The following PACS1 variants were observed in gnomAD, a reference collection of about 807,000 sequenced individuals.
PACS1 encodes the protein phosphofurin acidic cluster sorting protein 1, also known as PACS-1.
In PACS1, 24 loss-of-function variants were observed where a neutral mutation model predicts 115.0. That is an observed-to-expected ratio of 0.21 (90% CI 0.15 to 0.29). The LOEUF (loss-of-function observed/expected upper bound fraction) is 0.29, where lower values mean the gene tolerates loss of function less well. Ranked by LOEUF, PACS1 falls within the 10% of genes least tolerant of loss-of-function variation. The pLI is 1.00. For missense variants in PACS1, 838 were observed against 1,251.2 expected (o/e 0.67, Z 4.98); for synonymous variants, 453 against 504.5 (o/e 0.90, Z 1.37).
intron 7 of PACS1, among the ~76,000 whole-genome samples, chr11:66,219,286 C>T (rs962023485): frequency 2.0e-5 from 3 of 151,714 alleles, no homozygotes; most frequent in Non-Finnish European, 4.4e-5. Context: ...AGGAGAGACT[C>T]CAGGCGTAGA....
chr11:66,141,237 T>C (rs2134593812), intron 1 of PACS1, among the ~76,000 whole-genome samples: 1 of 152,340 alleles, frequency 6.6e-6, no homozygotes, highest in South Asian at 2.1e-4. Flanking sequence ...TGGAATGCTT[T>C]TTCACATTCC....
chr11:66,179,454 G>A (rs921362787), intron 1 of PACS1, among the ~76,000 whole-genome samples: 5 of 152,172 alleles, frequency 3.3e-5, no homozygotes, highest in African/African-American at 4.8e-5. Context: ...TGGGATTACA[G>A]ACGTGAGCCA....
chr11:66,115,584 CAT>C (rs776015606), intron 1 of PACS1, among the ~76,000 whole-genome samples: 1 of 152,334 alleles, frequency 6.6e-6, no homozygotes, highest in East Asian at 1.9e-4. Flanking sequence ...CAAAACCCCA[CAT>C]GAGGTAAGTA....
chr11:66,194,751 C>T (rs1854611208), intron 2 of PACS1, among the ~76,000 whole-genome samples: 1 of 152,158 alleles, frequency 6.6e-6, no homozygotes, highest in African/African-American at 2.4e-5. Context: ...TGATAACTCC[C>T]TACTAACCAG....
At chr11:66,126,474 CAAAA>C (rs1400103824) in intron 1 of PACS1, among the ~76,000 whole-genome samples, 1 of 151,998 alleles carries the variant, frequency 6.6e-6, no homozygotes. Context: ...GGGAAACAAA[CAAAA>C]AATAAGTGTT....
At chr11:66,093,288 A>G (rs1007740009) in intron 1 of PACS1, among the ~76,000 whole-genome samples, 1 of 152,054 alleles carries the variant, frequency 6.6e-6, no homozygotes, top group African/African-American at 2.4e-5. Context: ...AGTGTGCTGT[A>G]TTCAGGAAAC....
intron 21 of PACS1, among the ~76,000 whole-genome samples, chr11:66,240,314 G>A (rs1855786156): frequency 6.6e-6 from 1 of 152,252 alleles, no homozygotes; most frequent in South Asian, 2.1e-4. Context: ...GCAGAGAGAG[G>A]GTGGAGGGGT....
At position 66,233,210 on chromosome 11, in the gene PACS1, G is replaced by C; in HGVS notation, c.1838+144G>C. The C allele has an allele frequency of 1.6e-6, 1 of 617,050 alleles. No individual in the cohort carries two copies. The highest frequency in any genetic ancestry group is 2.8e-6 in the Non-Finnish European group (1 of 352,754). The allele number at this position is 617,050 out of a possible 1,614,324, so 38.2% of individuals were successfully genotyped here. On this transcript the variant is annotated intron_variant, in intron 15 of 23. Coordinates refer to ENST00000320580, the MANE Select transcript of PACS1 (RefSeq NM_018026.4). The surrounding 1 kb of genome is among the most constrained non-coding windows in gnomAD (Gnocchi z 4.5). Reference sequence around the variant, plus strand: ...GGGGCGTATGTTTAGGGGGGTGGCGGCAGCAGGCTGTAGGGCTTGAGGCCC... The same window carrying C: ...GGGGCGTATGTTTAGGGGGGTGGCGCCAGCAGGCTGTAGGGCTTGAGGCCC...
intron 1 of PACS1, among the ~76,000 whole-genome samples, chr11:66,131,043 C>G (rs1318942686): frequency 6.6e-6 from 1 of 152,044 alleles, no homozygotes; most frequent in African/African-American, 2.4e-5. Context: ...CACTGCACTC[C>G]AGCCTGGGCA....
At chr11:66,133,025 T>C (rs1028907329) in intron 1 of PACS1, among the ~76,000 whole-genome samples, 1 of 152,182 alleles carries the variant, frequency 6.6e-6, no homozygotes. Flanking sequence ...GAGGGCCGAC[T>C]GTAAATGGTG....
chr11:66,117,491 A>G (rs1858331906), intron 1 of PACS1, among the ~76,000 whole-genome samples: 1 of 151,550 alleles, frequency 6.6e-6, no homozygotes, highest in Non-Finnish European at 1.5e-5. Flanking sequence ...AAAGAAAGAA[A>G]AAGAAAAGGT....
intron 13 of PACS1, 93 bp downstream of exon 13, chr11:66,231,033 G>C: frequency 6.8e-7 from 1 of 1,464,996 alleles, no homozygotes; most frequent in African/African-American, 1.4e-5. Flanking sequence ...GTTAGTTGGA[G>C]AGAAGAGGAA....
chr11:66,078,992 C>T (rs931216265), intron 1 of PACS1, among the ~76,000 whole-genome samples: 1 of 152,258 alleles, frequency 6.6e-6, no homozygotes. Context: ...ACTGCAACCT[C>T]TGTCTCCCGG....
At chr11:66,117,887 G>A (rs942810800) in intron 1 of PACS1, among the ~76,000 whole-genome samples, 40 of 152,212 alleles carry the variant, frequency 2.6e-4, no homozygotes, top group African/African-American at 9.6e-4. Context: ...CCTCTTTGAT[G>A]CTTTATGTGA....
intron 1 of PACS1, among the ~76,000 whole-genome samples, chr11:66,190,819 G>A (rs968458779): frequency 6.6e-6 from 1 of 152,164 alleles, no homozygotes; most frequent in African/African-American, 2.4e-5. Context: ...GGGGATTTTG[G>A]AGGAAACAGC....
At chr11:66,242,794 G>A in intron 22 of PACS1, 118 bp from the exon 23 acceptor site, 1 of 1,337,704 alleles carries the variant, frequency 7.5e-7, no homozygotes, top group Non-Finnish European at 1.0e-6. Flanking sequence ...CAGGGAGGAG[G>A]GGTTGGTTTG....
chr11:66,127,755 C>A (rs1219012566), intron 1 of PACS1, among the ~76,000 whole-genome samples: 3 of 152,138 alleles, frequency 2.0e-5, no homozygotes, highest in Non-Finnish European at 4.4e-5. Flanking sequence ...TAGATTAAAT[C>A]GTCCTAATAC....
intron 1 of PACS1, among the ~76,000 whole-genome samples, chr11:66,122,419 G>A (rs1184501353): frequency 2.0e-5 from 3 of 152,224 alleles, no homozygotes; most frequent in East Asian, 3.8e-4. Context: ...CATGGATAAA[G>A]GAATATTTTC....
At chr11:66,118,769 CAAAAAAAAAA>C (rs397945291) in intron 1 of PACS1, among the ~76,000 whole-genome samples, 8 of 83,614 alleles carry the variant, frequency 9.6e-5, no homozygotes, top group African/African-American at 2.8e-4. Context: ...CCCATGTCTA[CAAAAAAAAAA>C]AAAAAAAAAA....
Sources: gnomAD v4.1 joint callset for allele counts (sites outside exome capture counted in the v4.1 genomes callset) on GRCh38, gnomAD v4.1.1 for gene constraint, Gnocchi (gnomAD v3.1) non-coding constraint, MANE v1.5 for transcripts, NCBI Gene and HGNC (gene_info 2026-07-23, HGNC 2026-07-21) for gene names.